Variants in SLC23A2 observed in about 807,000 individuals in gnomAD.
The protein encoded by SLC23A2 is solute carrier family 23 member 2.
A neutral mutation model predicts 73.3 loss-of-function variants in SLC23A2; 36 were observed. That is an observed-to-expected ratio of 0.49 (90% confidence interval 0.38 to 0.65). The LOEUF (loss-of-function observed/expected upper bound fraction) is 0.65, where lower values mean the gene tolerates loss of function less well. Ranked by LOEUF, SLC23A2 falls within the 30% of genes least tolerant of loss-of-function variation. The probability of loss-of-function intolerance (pLI) is 0.00; values close to 1 mark genes in which losing one functional copy is unlikely to be tolerated. For missense variants in SLC23A2, 507 were observed against 841.6 expected (o/e 0.60, Z 4.92); for synonymous variants, 343 against 327.3 (o/e 1.05, Z -0.52).
Position 4,885,635 on chromosome 20 carries a change from C to T in SLC23A2, c.571+186G>A, listed in dbSNP as rs1372964246. ...TTCTTGCTCTAGGGTTAGGGATGAA[C>T]AAGTGGACAGAAAGAGAGAGACAGA... On this transcript the variant is annotated intron_variant, in intron 7 of 16. Transcript: ENST00000338244. Among the ~76,000 whole-genome samples the T allele has an allele frequency of 3.3e-5, 5 of 152,156 alleles. No homozygotes were observed. The East Asian group carries it at 7.7e-4, about 23-fold the overall frequency.
At chr20:4,943,277 A>C (rs2087070839) in intron 2 of SLC23A2, among the ~76,000 whole-genome samples, 1 of 151,984 alleles carries the variant, frequency 6.6e-6, no homozygotes, top group African/African-American at 2.4e-5. Flanking sequence ...CTAGACAAAA[A>C]CCCACACTTC....
At chr20:4,991,416 T>C (rs6053019) in intron 1 of SLC23A2, among the ~76,000 whole-genome samples, 52,625 of 151,878 alleles carry the variant, frequency 0.35, 9,833 homozygotes, top group Admixed American at 0.41. Context: ...GTCCAGCAAA[T>C]ACTTTAAAAT....
intron 2 of SLC23A2, among the ~76,000 whole-genome samples, chr20:4,965,961 C>A (rs2087467676): frequency 2.4e-5 from 3 of 126,122 alleles, no homozygotes; most frequent in African/African-American, 2.9e-5. Context: ...AGTGAGACTC[C>A]ATCTCAAAAA....
At chr20:4,978,311 T>A (rs1041452387) in intron 1 of SLC23A2, among the ~76,000 whole-genome samples, 1 of 152,224 alleles carries the variant, frequency 6.6e-6, no homozygotes, top group Non-Finnish European at 1.5e-5. Flanking sequence ...CAAGCACTGT[T>A]GACCTTCAAC....
At chr20:4,926,968 C>A (rs1021099678) in intron 3 of SLC23A2, among the ~76,000 whole-genome samples, 19 of 151,950 alleles carry the variant, frequency 1.3e-4, no homozygotes, top group African/African-American at 4.6e-4. Flanking sequence ...GTTACTGGTG[C>A]CCAACCACGC....
intron 6 of SLC23A2, among the ~76,000 whole-genome samples, chr20:4,894,801 T>A (rs956603148): frequency 2.6e-5 from 4 of 152,236 alleles, no homozygotes; most frequent in African/African-American, 9.6e-5. Context: ...AAGACACACA[T>A]CTGTTTCACC....
chr20:4,879,242 A>G (rs1348246789), intron 9 of SLC23A2, among the ~76,000 whole-genome samples: 2 of 148,996 alleles, frequency 1.3e-5, no homozygotes, highest in African/African-American at 5.2e-5. Context: ...CCCTGTCTCT[A>G]CTAAAAATAC....
At chr20:4,961,254 TG>T (rs1318210196) in intron 2 of SLC23A2, among the ~76,000 whole-genome samples, 1 of 152,120 alleles carries the variant, frequency 6.6e-6, no homozygotes, top group Non-Finnish European at 1.5e-5. Context: ...GCTAATTTTT[TG>T]TATTTTTAGT....
At position 4,980,808 on chromosome 20, in the gene SLC23A2, C is replaced by T. The variant is rs6053008; in HGVS notation, c.-281-9889G>A. On this transcript the variant is annotated intron_variant, in intron 1 of 16. Coordinates refer to ENST00000338244, the MANE Select transcript of SLC23A2 (RefSeq NM_005116.6). ...GCCTCCCAAAGGGCTGGGTGATTACCGGTGTGAGCCACCGCGCCCAGCCAC... is the reference window on the plus strand; with the variant it reads ...GCCTCCCAAAGGGCTGGGTGATTACTGGTGTGAGCCACCGCGCCCAGCCAC... 7.5e-3 allele frequency among the ~76,000 whole-genome samples: 1,137 copies of T among 152,156 alleles called. 19 individuals are homozygous for T. Among genetic ancestry groups the T allele is most frequent in the African/African-American group, 0.027 (1,106 of 41,534 alleles).
intron 4 of SLC23A2, among the ~76,000 whole-genome samples, chr20:4,909,954 A>T (rs1932084686): frequency 6.6e-6 from 1 of 152,250 alleles, no homozygotes; most frequent in African/African-American, 2.4e-5. Context: ...GCAACTAAGC[A>T]TTTGAAACAA....
At position 4,870,004 on chromosome 20, in the gene SLC23A2, G is replaced by C. The variant is rs1447140329; in HGVS notation, c.1152C>G (p.Leu384=). 1.2e-5 allele frequency: 20 copies of C among 1,613,396 alleles called. No homozygotes were observed. The highest frequency in any genetic ancestry group is 1.7e-5 in the Non-Finnish European group (20 of 1,179,634). The part of the protein sequence containing the change: ...TVSAAGVIGM[L]SAVVASIIES... ...CGATGATGCTGGCGACCACGGCACTGAGCATGCCGATGACACCGGCCGCAG... is the reference window on the plus strand; with the variant it reads ...CGATGATGCTGGCGACCACGGCACTCAGCATGCCGATGACACCGGCCGCAG... Residue 384 remains leucine, a synonymous_variant, in exon 12 of 17, where the codon CTC becomes CTG. Transcript: ENST00000338244.
rs773503934 is a variant in SLC23A2, at chr20:4,861,915, T to A, written c.1624+33A>T. ...GTGGACTGGCGGCTGTGGTTCCAGC[T>A]CCCACTCCAAGATGTAAAGCCCATT... On this transcript the variant is annotated intron_variant, in intron 15 of 16. Coordinates refer to ENST00000338244, the MANE Select transcript of SLC23A2 (RefSeq NM_005116.6). The A allele has an allele frequency of 1.9e-6, 3 of 1,609,592 alleles. No individual in the cohort carries two copies. The South Asian group carries it at 3.3e-5, about 18-fold the overall frequency.
intron 4 of SLC23A2, among the ~76,000 whole-genome samples, chr20:4,905,476 C>T (rs1352331555): frequency 6.6e-6 from 1 of 152,218 alleles, no homozygotes; most frequent in Non-Finnish European, 1.5e-5. Context: ...AATAAGGTTT[C>T]TGTAAAAGAT....
Position 5,000,705 on chromosome 20 carries a change from G to C in SLC23A2, c.-282+701C>G, listed in dbSNP as rs971129371. 3.3e-5 allele frequency among the ~76,000 whole-genome samples: 5 copies of C among 152,196 alleles called. No individual in the cohort carries two copies. The East Asian group carries it at 5.8e-4, about 18-fold the overall frequency. On this transcript the variant is annotated intron_variant, in intron 1 of 16. Coordinates refer to ENST00000338244, the MANE Select transcript of SLC23A2 (RefSeq NM_005116.6). Reference sequence around the variant, plus strand: ...CATCCTATCAGCCACCCATCCAAGGGGGGGCATCTAGGACCAAACGAAGGA... The same window carrying C: ...CATCCTATCAGCCACCCATCCAAGGCGGGGCATCTAGGACCAAACGAAGGA...
chr20:4,950,638 A>C (rs1271879499), intron 2 of SLC23A2, among the ~76,000 whole-genome samples: 1 of 152,192 alleles, frequency 6.6e-6, no homozygotes, highest in Non-Finnish European at 1.5e-5. Context: ...AGGGCCTACC[A>C]GGAACCTGGG....
chr20:4,997,069 T>G (rs2088035757), intron 1 of SLC23A2, among the ~76,000 whole-genome samples: 1 of 152,164 alleles, frequency 6.6e-6, no homozygotes, highest in African/African-American at 2.4e-5. Flanking sequence ...CTCCTCAGTT[T>G]TCTTTCTGGT....
chr20:4,888,960 T>C (rs191040919), intron 6 of SLC23A2, among the ~76,000 whole-genome samples: 24 of 152,296 alleles, frequency 1.6e-4, no homozygotes, highest in South Asian at 8.3e-4. Context: ...CTTCTAGAGG[T>C]GGCTGAGACT....
At chr20:4,986,380 C>A (rs2087826834) in intron 1 of SLC23A2, among the ~76,000 whole-genome samples, 1 of 152,136 alleles carries the variant, frequency 6.6e-6, no homozygotes. Context: ...GTGGCACGAT[C>A]TCGGCTCACT....
intron 3 of SLC23A2, among the ~76,000 whole-genome samples, chr20:4,925,750 G>GGACA (rs1932650380): frequency 1.3e-5 from 2 of 152,174 alleles, no homozygotes; most frequent in African/African-American, 4.8e-5. Context: ...GCCCCAAGCA[G>GGACA]GACACTGCCA....
Sources: gnomAD v4.1 joint callset for allele counts (sites outside exome capture counted in the v4.1 genomes callset) on GRCh38, gnomAD v4.1.1 for gene constraint, MANE v1.5 for transcripts, NCBI Gene and HGNC (gene_info 2026-07-23, HGNC 2026-07-21) for gene names.